SPTLC3: variants seen among roughly 807,000 people sequenced by gnomAD.
The protein encoded by SPTLC3 is serine palmitoyltransferase long chain base subunit 3.
A neutral mutation model predicts 59.3 loss-of-function variants in SPTLC3; 36 were observed. The observed-to-expected ratio is 0.61, with a 90% CI of 0.47 to 0.80. The LOEUF is 0.80. Among genes scored for constraint, SPTLC3 ranks in the 30% least tolerant of loss-of-function variants. SPTLC3 has a pLI of 0.00. For synonymous variants in SPTLC3, 257 were observed against 240.8 expected (o/e 1.07, Z -0.62); for missense variants, 625 against 685.1 (o/e 0.91, Z 0.98).
chr20:13,049,473 C>G (rs1431432), intron 2 of SPTLC3: 77,534 of 216,998 alleles, frequency 0.36, 14,115 homozygotes, highest in South Asian at 0.45. Flanking sequence ...CTGGGTGGGA[C>G]TGTACTTTGG....
chr20:13,098,162 A>G (rs1989487277), intron 6 of SPTLC3, among the ~76,000 whole-genome samples: 1 of 152,180 alleles, frequency 6.6e-6, no homozygotes, highest in South Asian at 2.1e-4. Flanking sequence ...TTTTATAGAA[A>G]AGGTTTGCTG....
intron 2 of SPTLC3, 83 bp downstream of exon 2, chr20:13,049,213 T>C (rs1987367460): frequency 2.0e-6 from 3 of 1,497,944 alleles, no homozygotes; most frequent in East Asian, 2.3e-5. Context: ...CAGGTGCAGA[T>C]CCTAGAAAGC....
intron 9 of SPTLC3, among the ~76,000 whole-genome samples, chr20:13,148,097 G>A (rs930352856): frequency 6.6e-6 from 1 of 152,174 alleles, no homozygotes; most frequent in Non-Finnish European, 1.5e-5. Context: ...GGTCATTCTG[G>A]TAGTTTCAGC....
chr20:13,164,042 T>C (rs993244330), intron 11 of SPTLC3, among the ~76,000 whole-genome samples: 2 of 152,158 alleles, frequency 1.3e-5, no homozygotes, highest in Admixed American at 6.5e-5. Context: ...CTCCTAATGC[T>C]ATCCCTCCCC....
chr20:13,091,181 A>T lies in SPTLC3; in HGVS notation c.706A>T (p.Met236Leu), dbSNP rs772171112. 5 of 1,613,912 alleles carry T rather than the reference A, an allele frequency of 3.1e-6. No homozygotes were observed. Among genetic ancestry groups the T allele is most frequent in the Non-Finnish European group, 4.2e-6 (5 of 1,179,846 alleles). Reference protein sequence around the residue: ...VFGMGFATNSMNIPALVGKGC... With the variant: ...VFGMGFATNSLNIPALVGKGC... ...TGGGATGGGATTCGCAACTAACTCA[A>T]TGAATATCCCAGCATTAGTTGGAAA... Residue 236 changes from methionine to leucine, a missense_variant, in exon 5 of 12, where the codon ATG becomes TTG. Met to Leu is a conservative substitution (Grantham distance 15, BLOSUM62 2). Transcript: ENST00000399002.
intron 3 of SPTLC3, among the ~76,000 whole-genome samples, chr20:13,072,934 T>G (rs890905922): frequency 1.3e-5 from 2 of 152,240 alleles, no homozygotes; most frequent in Non-Finnish European, 2.9e-5. Flanking sequence ...ACTTTGTTGA[T>G]GCATAATACA....
At chr20:13,013,924 G>C (rs565332653) in intron 1 of SPTLC3, among the ~76,000 whole-genome samples, 2 of 152,150 alleles carry the variant, frequency 1.3e-5, no homozygotes, top group Non-Finnish European at 2.9e-5. Context: ...GAGCATCCAA[G>C]ATCACCCCAT....
rs1356121212 is a variant in SPTLC3, at chr20:13,076,999, A to G, written c.607+2502A>G. ...CAGAAGTGCAAAGGCTATTTTTAAG[A>G]TGTGAAATTATGTACTACTGCTTAT... On this transcript the variant is annotated intron_variant, in intron 4 of 11. Transcript: ENST00000399002. Among the ~76,000 whole-genome samples, 3 of 152,208 alleles carry G rather than the reference A, an allele frequency of 2.0e-5. No individual in the cohort carries two copies. The East Asian group carries it at 5.8e-4, about 29-fold the overall frequency.
intron 2 of SPTLC3, among the ~76,000 whole-genome samples, chr20:13,053,161 T>TG (rs1987568635): frequency 6.6e-6 from 1 of 151,940 alleles, no homozygotes; most frequent in Admixed American, 6.6e-5. Context: ...TGGCATCTGG[T>TG]GGGTGGCCCT....
intron 6 of SPTLC3, among the ~76,000 whole-genome samples, chr20:13,103,900 T>A (rs1989726103): frequency 6.6e-6 from 1 of 152,236 alleles, no homozygotes; most frequent in African/African-American, 2.4e-5. Context: ...CACTATGAAC[T>A]ATGCCCTACC....
At chr20:13,019,701 T>C (rs6078883) in intron 1 of SPTLC3, among the ~76,000 whole-genome samples, 85,804 of 151,924 alleles carry the variant, frequency 0.56, 26,885 homozygotes, top group South Asian at 0.71. Context: ...TCAGATTTCA[T>C]AGTCAGTGGT....
intron 3 of SPTLC3, 183 bp from the exon 4 acceptor site, chr20:13,074,166 C>A: frequency 2.4e-6 from 2 of 831,656 alleles, no homozygotes; most frequent in Non-Finnish European, 4.1e-6. Context: ...GGAAACCAAC[C>A]TCTAGGACAG....
At chr20:13,059,894 A>T (rs1223569579) in intron 2 of SPTLC3, among the ~76,000 whole-genome samples, 2 of 151,998 alleles carry the variant, frequency 1.3e-5, no homozygotes, top group Admixed American at 1.3e-4. Context: ...CCCCATGCTG[A>T]CTGGTCGCCC....
chr20:13,053,553 A>C (rs1002715379), intron 2 of SPTLC3, among the ~76,000 whole-genome samples: 1 of 152,178 alleles, frequency 6.6e-6, no homozygotes, highest in African/African-American at 2.4e-5. Flanking sequence ...ACGAATTGAC[A>C]GAAGTAGGTT....
rs570487574 is a variant in SPTLC3, at chr20:13,030,608, A to G, written c.118-18337A>G. ...ACATTTGTTCCTTCATTCATTAAAT[A>G]TTTACTGGACCCCTGTTACATGTCA... On this transcript the variant is annotated intron_variant, in intron 1 of 11. Coordinates refer to ENST00000399002, the MANE Select transcript of SPTLC3 (RefSeq NM_018327.4). Among the ~76,000 whole-genome samples, 6 of 152,226 alleles carry G rather than the reference A, an allele frequency of 3.9e-5. No homozygotes were observed. The South Asian group carries it at 1.0e-3, about 26-fold the overall frequency.
At chr20:13,055,073 T>C (rs1987664179) in intron 2 of SPTLC3, among the ~76,000 whole-genome samples, 2 of 151,900 alleles carry the variant, frequency 1.3e-5, no homozygotes, top group South Asian at 4.2e-4. Flanking sequence ...GAGGTATCAA[T>C]AAGTCTTGGT....
intron 1 of SPTLC3, among the ~76,000 whole-genome samples, chr20:13,045,080 G>T (rs1021541235): frequency 2.6e-5 from 4 of 151,374 alleles, no homozygotes; most frequent in Admixed American, 6.6e-5. Context: ...TGTATTTATT[G>T]ATTTCATATC....
At chr20:13,135,772 G>A (rs573368692) in intron 9 of SPTLC3, among the ~76,000 whole-genome samples, 31 of 152,306 alleles carry the variant, frequency 2.0e-4, no homozygotes, top group Non-Finnish European at 3.8e-4. Flanking sequence ...CTCCATTGAC[G>A]AGTTCATTTC....
At chr20:13,143,881 C>T (rs150070552) in intron 9 of SPTLC3, among the ~76,000 whole-genome samples, 9 of 152,296 alleles carry the variant, frequency 5.9e-5, no homozygotes, top group African/African-American at 1.2e-4. Context: ...CACAGCTCCT[C>T]GCCCATTTCA....
Sources: allele counts gnomAD v4.1 joint callset (sites outside exome capture counted in the v4.1 genomes callset), GRCh38; gene constraint gnomAD v4.1.1; transcripts MANE v1.5; gene names NCBI Gene and HGNC (gene_info 2026-07-23, HGNC 2026-07-21).